The following MAGI2 variants were observed in gnomAD, a reference collection of about 807,000 sequenced individuals.
MAGI2 encodes the protein membrane-associated guanylate kinase, WW and PDZ domain-containing protein 2.
MAGI2 carries 35 observed loss-of-function variants against 133.3 expected under a neutral mutation model. That is an observed-to-expected ratio of 0.26 (90% CI 0.20 to 0.35). MAGI2 has a LOEUF of 0.35. Ranked by LOEUF, MAGI2 falls within the 10% of genes least tolerant of loss-of-function variation. The pLI, the probability that MAGI2 is intolerant of heterozygous loss-of-function variation, is 1.00. For missense variants in MAGI2, 1,636 were observed against 1,863.4 expected, an observed-to-expected ratio of 0.88 and a Z score of 2.25; for synonymous variants, 729 against 710.6, an observed-to-expected ratio of 1.03 and a Z score of -0.41.
intron 1 of MAGI2, among the ~76,000 whole-genome samples, chr7:79,422,738 C>G (rs1160336845): frequency 6.6e-6 from 1 of 151,854 alleles, no homozygotes; most frequent in Admixed American, 6.6e-5. Context: ...GGGAATAAAG[C>G]CAGGTTCCCA....
chr7:78,140,628 G>T (rs918499647), intron 16 of MAGI2, among the ~76,000 whole-genome samples: 4 of 152,218 alleles, frequency 2.6e-5, no homozygotes, highest in Non-Finnish European at 5.9e-5. Context: ...TCTGTGACCT[G>T]ATGTGAAAAT....
At chr7:79,200,983 A>C (rs1828559805) in intron 1 of MAGI2, among the ~76,000 whole-genome samples, 1 of 152,004 alleles carries the variant, frequency 6.6e-6, no homozygotes, top group African/African-American at 2.4e-5. Flanking sequence ...TAGGGCCTAA[A>C]ATGTCACGAG....
At chr7:78,073,816 A>G (rs549819335) in intron 21 of MAGI2, among the ~76,000 whole-genome samples, 58 of 152,180 alleles carry the variant, frequency 3.8e-4, no homozygotes, top group South Asian at 3.7e-3. Context: ...TTTTCTCTTA[A>G]CCTTTGTGGA....
chr7:78,979,779 T>C (rs1804624873), intron 2 of MAGI2, among the ~76,000 whole-genome samples: 1 of 151,784 alleles, frequency 6.6e-6, no homozygotes, highest in Non-Finnish European at 1.5e-5. Context: ...GTTGAATAGG[T>C]GGTAATTCAC....
chr7:78,679,864 C>T (rs1032354655), intron 2 of MAGI2, among the ~76,000 whole-genome samples: 1 of 152,134 alleles, frequency 6.6e-6, no homozygotes, highest in Non-Finnish European at 1.5e-5. Context: ...GTTCTCTCTA[C>T]ATTTTGCCCA....
intron 21 of MAGI2, among the ~76,000 whole-genome samples, chr7:78,061,643 G>A (rs1813284747): frequency 6.6e-6 from 1 of 152,162 alleles, no homozygotes; most frequent in African/African-American, 2.4e-5. Context: ...GGATGAAGCT[G>A]TGAAATGAAG....
chr7:79,335,319 C>G (rs572047282), intron 1 of MAGI2, among the ~76,000 whole-genome samples: 1 of 152,176 alleles, frequency 6.6e-6, no homozygotes, highest in Non-Finnish European at 1.5e-5. Flanking sequence ...GAGTGAACAT[C>G]AGTGACCATG....
chr7:78,264,838 A>G (rs1244065288), intron 9 of MAGI2, among the ~76,000 whole-genome samples: 1 of 151,800 alleles, frequency 6.6e-6, no homozygotes, highest in African/African-American at 2.4e-5. Flanking sequence ...CTGAATTCAT[A>G]TAAGGCACTG....
intron 2 of MAGI2, among the ~76,000 whole-genome samples, chr7:78,903,146 A>C (rs60317714): frequency 0.26 from 36,175 of 136,984 alleles, 5,841 homozygotes; most frequent in East Asian, 0.59. Flanking sequence ...CTTTCTCGGG[A>C]TTCATGCAAG....
intron 20 of MAGI2, among the ~76,000 whole-genome samples, chr7:78,079,802 G>T (rs1288299748): frequency 1.3e-5 from 2 of 152,148 alleles, no homozygotes; most frequent in African/African-American, 2.4e-5. Context: ...AAATGCCTGG[G>T]TTCCATAAGC....
chr7:78,027,948 T>C (rs1269977020), intron 21 of MAGI2, among the ~76,000 whole-genome samples: 1 of 152,250 alleles, frequency 6.6e-6, no homozygotes, highest in Admixed American at 6.5e-5. Flanking sequence ...GGTGTGGTTT[T>C]ATTGAAATCT....
chr7:78,595,804 G>A (rs1044955591), intron 3 of MAGI2, among the ~76,000 whole-genome samples: 4 of 152,060 alleles, frequency 2.6e-5, no homozygotes, highest in Admixed American at 1.3e-4. Context: ...TGAATGTATC[G>A]GTAGACTCTC....
At chr7:78,648,733 G>A (rs1266334538) in intron 2 of MAGI2, among the ~76,000 whole-genome samples, 1 of 152,130 alleles carries the variant, frequency 6.6e-6, no homozygotes, top group Non-Finnish European at 1.5e-5. Flanking sequence ...AATCAGCATT[G>A]TGTTTTTACA....
At chr7:79,009,729 G>A (rs7797398) in intron 1 of MAGI2, among the ~76,000 whole-genome samples, 1 of 151,886 alleles carries the variant, frequency 6.6e-6, no homozygotes, top group Non-Finnish European at 1.5e-5. Context: ...CTATGTTCTG[G>A]CCATTGACAC....
At chr7:79,392,042 T>TATTCCCTTCCCTGTTTCC (rs1844698372) in intron 1 of MAGI2, among the ~76,000 whole-genome samples, 1 of 152,086 alleles carries the variant, frequency 6.6e-6, no homozygotes, top group Admixed American at 6.6e-5. Context: ...CGGTGTGTGA[T>TATTCCCTTCCCTGTTTCC]ATTCCCTTCC....
chr7:78,709,533 C>T (rs1311349521), intron 2 of MAGI2, among the ~76,000 whole-genome samples: 1 of 152,158 alleles, frequency 6.6e-6, no homozygotes, highest in Admixed American at 6.5e-5. Context: ...ATACTTTTCC[C>T]ATGTCTGTGG....
At chr7:78,295,043 G>T (rs979891128) in intron 9 of MAGI2, among the ~76,000 whole-genome samples, 6 of 152,034 alleles carry the variant, frequency 3.9e-5, no homozygotes, top group African/African-American at 1.4e-4. Flanking sequence ...TCTGATAATG[G>T]CAAAATAATG....
intron 2 of MAGI2, among the ~76,000 whole-genome samples, chr7:78,933,334 T>C (rs756766130): frequency 1.9e-4 from 29 of 152,132 alleles, no homozygotes; most frequent in Non-Finnish European, 3.8e-4. Context: ...ACAGTTTCTT[T>C]AACAGCATGC....
At chr7:78,381,832 T>C (rs953995963) in intron 6 of MAGI2, among the ~76,000 whole-genome samples, 1 of 152,196 alleles carries the variant, frequency 6.6e-6, no homozygotes, top group Non-Finnish European at 1.5e-5. Flanking sequence ...TGTCCCCTCA[T>C]ACCTTACTGG....
Sources: allele counts gnomAD v4.1 joint callset (sites outside exome capture counted in the v4.1 genomes callset), GRCh38; gene constraint gnomAD v4.1.1; transcripts MANE v1.5; gene names NCBI Gene and HGNC (gene_info 2026-07-23, HGNC 2026-07-21).